DLGAP2: variants seen among roughly 807,000 people sequenced by gnomAD.
DLGAP2 encodes DLG associated protein 2.
A neutral mutation model predicts 100.3 loss-of-function variants in DLGAP2; 26 were observed. The observed-to-expected ratio is 0.26, with a 90% CI of 0.19 to 0.36. The LOEUF is 0.36. Among genes scored for constraint, DLGAP2 ranks in the 10% least tolerant of loss-of-function variants. The probability of loss-of-function intolerance (pLI) is 1.00; values close to 1 mark genes in which losing one functional copy is unlikely to be tolerated. For missense variants in DLGAP2, 1,858 were observed against 1,453.2 expected, an observed-to-expected ratio of 1.28 and a Z score of -4.53; for synonymous variants, 886 against 630.1, an observed-to-expected ratio of 1.41 and a Z score of -6.08.
intron 2 of DLGAP2, among the ~76,000 whole-genome samples, chr8:1,004,133 G>T (rs933187385): frequency 2.0e-5 from 3 of 152,068 alleles, no homozygotes; most frequent in Admixed American, 6.5e-5. Flanking sequence ...ATTTCCTAAA[G>T]CTTTTTCCAT....
chr8:1,385,044 C>T (rs1796185868), intron 3 of DLGAP2, among the ~76,000 whole-genome samples: 2 of 91,396 alleles, frequency 2.2e-5, no homozygotes, highest in Non-Finnish European at 4.6e-5. Context: ...ACAGTTACCC[C>T]GGCCTGTGCC....
chr8:1,252,638 C>T (rs377666322), intron 2 of DLGAP2, among the ~76,000 whole-genome samples: 6 of 152,268 alleles, frequency 3.9e-5, no homozygotes, highest in Admixed American at 3.3e-4. Flanking sequence ...ATATTCTTGA[C>T]AAAGAGTCAT....
chr8:1,518,147 C>T (rs755667878), intron 4 of DLGAP2, among the ~76,000 whole-genome samples: 3 of 152,166 alleles, frequency 2.0e-5, no homozygotes, highest in African/African-American at 2.4e-5. Flanking sequence ...TTGAGTGTTA[C>T]GCTTCTGTGT....
At chr8:1,011,693 C>A (rs1801292408) in intron 2 of DLGAP2, among the ~76,000 whole-genome samples, 1 of 150,982 alleles carries the variant, frequency 6.6e-6, no homozygotes. Context: ...TAGAGTGAGC[C>A]CTGGAATGAG....
chr8:996,286 T>C (rs1272120374), intron 2 of DLGAP2, among the ~76,000 whole-genome samples: 1 of 152,196 alleles, frequency 6.6e-6, no homozygotes, highest in Non-Finnish European at 1.5e-5. Flanking sequence ...CTCAGGTTTC[T>C]TTCTGGGGGG....
chr8:1,629,067 G>T (rs188732944), intron 7 of DLGAP2, among the ~76,000 whole-genome samples: 2 of 152,234 alleles, frequency 1.3e-5, no homozygotes, highest in Admixed American at 6.5e-5. Flanking sequence ...AGATCATGCT[G>T]TGAGCTCTTG....
chr8:1,302,589 G>A (rs965794514), intron 3 of DLGAP2: 1 of 152,258 alleles, frequency 6.6e-6, no homozygotes. Context: ...CCATACCTGG[G>A]ACCGGACTCG....
At chr8:1,478,789 G>T (rs572433381) in intron 3 of DLGAP2, among the ~76,000 whole-genome samples, 1 of 152,182 alleles carries the variant, frequency 6.6e-6, no homozygotes, top group Admixed American at 6.5e-5. Flanking sequence ...TGGGAATGCC[G>T]GAAGGCTTGT....
chr8:1,198,007 G>C (rs890305551), intron 2 of DLGAP2, among the ~76,000 whole-genome samples: 5 of 152,166 alleles, frequency 3.3e-5, no homozygotes, highest in Non-Finnish European at 5.9e-5. Flanking sequence ...GGAGTAGCCT[G>C]GGTCATTCAG....
At chr8:818,655 C>G (rs1392902947) in intron 1 of DLGAP2, among the ~76,000 whole-genome samples, 1 of 152,222 alleles carries the variant, frequency 6.6e-6, no homozygotes, top group African/African-American at 2.4e-5. Context: ...TATCTGTCAT[C>G]TTAATCCTCT....
intron 2 of DLGAP2, among the ~76,000 whole-genome samples, chr8:934,359 G>T (rs1429547522): frequency 6.6e-6 from 1 of 151,696 alleles, no homozygotes; most frequent in Non-Finnish European, 1.5e-5. Flanking sequence ...GGCACGAGGG[G>T]AGGGTGAGGG....
intron 1 of DLGAP2, among the ~76,000 whole-genome samples, chr8:801,021 G>A (rs1796141642): frequency 6.6e-6 from 1 of 151,948 alleles, no homozygotes; most frequent in Non-Finnish European, 1.5e-5. Flanking sequence ...TGGCTGGTTT[G>A]GGGTTTCTGG....
chr8:1,515,330 G>C (rs865905584), intron 4 of DLGAP2, among the ~76,000 whole-genome samples: 12 of 152,194 alleles, frequency 7.9e-5, no homozygotes, highest in Non-Finnish European at 1.3e-4. Flanking sequence ...CAGAGAAAAG[G>C]AGTCCTCTCC....
chr8:801,080 C>CTT (rs10659354), intron 1 of DLGAP2, among the ~76,000 whole-genome samples: 152,173 of 152,286 alleles, frequency 1, 76,030 homozygotes, highest in Non-Finnish European at 1. Context: ...GTGGTCTTCT[C>CTT]ACCACGCTGC....
chr8:1,673,827 A>G (rs143890860), intron 10 of DLGAP2, among the ~76,000 whole-genome samples: 93 of 152,358 alleles, frequency 6.1e-4, no homozygotes, highest in African/African-American at 2.2e-3. Context: ...CAAATTCACT[A>G]TAAAAAATAA....
chr8:1,037,352 A>G (rs988895218), intron 2 of DLGAP2, among the ~76,000 whole-genome samples: 2 of 152,052 alleles, frequency 1.3e-5, no homozygotes, highest in Middle Eastern at 3.2e-3. Flanking sequence ...CCCCTTCAGT[A>G]GAATCTGCTG....
chr8:1,197,359 C>A (rs1250561677), intron 2 of DLGAP2, among the ~76,000 whole-genome samples: 1 of 152,246 alleles, frequency 6.6e-6, no homozygotes, highest in Non-Finnish European at 1.5e-5. Flanking sequence ...AGTACCTGAG[C>A]CCTTGTCTCA....
intron 2 of DLGAP2, among the ~76,000 whole-genome samples, chr8:956,969 A>G (rs1799611120): frequency 6.6e-6 from 1 of 152,232 alleles, no homozygotes; most frequent in South Asian, 2.1e-4. Context: ...CATCAGAGCT[A>G]TCTTACTAGA....
chr8:1,263,810 AC>A (rs2116915244), intron 3 of DLGAP2, among the ~76,000 whole-genome samples: 1 of 152,254 alleles, frequency 6.6e-6, no homozygotes, highest in South Asian at 2.1e-4. Context: ...GACAGCTGCC[AC>A]CCTGTCTCTC....
Sources: allele counts gnomAD v4.1 joint callset (sites outside exome capture counted in the v4.1 genomes callset), GRCh38; gene constraint gnomAD v4.1.1; transcripts MANE v1.5; gene names NCBI Gene and HGNC (gene_info 2026-07-23, HGNC 2026-07-21).